Variants in MYOF observed in about 807,000 individuals in gnomAD.
The protein encoded by MYOF is fer-1-like 3, myoferlin.
A neutral mutation model predicts 284.2 loss-of-function variants in MYOF; 244 were observed. That is an observed-to-expected ratio of 0.86 (90% CI 0.77 to 0.95). The LOEUF is 0.95. MYOF is among the 40% of genes least tolerant of loss of function. The probability of loss-of-function intolerance (pLI) is 0.00; values close to 1 mark genes in which losing one functional copy is unlikely to be tolerated. For missense variants in MYOF, 2,496 were observed against 2,560.6 expected, an observed-to-expected ratio of 0.97 and a Z score of 0.54; for synonymous variants, 904 against 919.7, an observed-to-expected ratio of 0.98 and a Z score of 0.31.
At chr10:93,378,293 G>A (rs1202730457) in intron 21 of MYOF, among the ~76,000 whole-genome samples, 1 of 152,160 alleles carries the variant, frequency 6.6e-6, no homozygotes, top group Non-Finnish European at 1.5e-5. Context: ...GGAGAGAGCT[G>A]ATAAGAAGAA....
intron 6 of MYOF, among the ~76,000 whole-genome samples, chr10:93,409,204 T>A (rs150154557): frequency 1.7e-3 from 265 of 152,320 alleles, no homozygotes; most frequent in African/African-American, 6.1e-3. Context: ...ACTCCAGTCA[T>A]GCACCTGGTC....
intron 4 of MYOF, among the ~76,000 whole-genome samples, chr10:93,426,570 A>T (rs971947130): frequency 6.6e-6 from 1 of 152,146 alleles, no homozygotes; most frequent in Non-Finnish European, 1.5e-5. Context: ...AATTGCTGAG[A>T]TTTATTTTCA....
intron 51 of MYOF, among the ~76,000 whole-genome samples, chr10:93,311,588 CTAA>C (rs67653089): frequency 0.84 from 124,509 of 147,836 alleles, 52,402 homozygotes; most frequent in East Asian, 0.9. Flanking sequence ...GACTTCATCT[CTAA>C]AAAAAAAAAA....
intron 31 of MYOF, among the ~76,000 whole-genome samples, chr10:93,354,233 C>T (rs1467201981): frequency 6.6e-6 from 1 of 152,070 alleles, no homozygotes; most frequent in East Asian, 1.9e-4. Context: ...CAAAAATTAG[C>T]TGGGCATGGT....
chr10:93,310,007 G>T lies in MYOF; in HGVS notation c.6147+13C>A, dbSNP rs764013301. The T allele has an allele frequency of 1.2e-6, 2 of 1,613,994 alleles. No homozygotes were observed. Among genetic ancestry groups the T allele is most frequent in the Admixed American group, 3.3e-5 (2 of 60,010 alleles). On this transcript the variant is annotated intron_variant, in intron 53 of 53. Coordinates refer to ENST00000359263, the MANE Select transcript of MYOF (RefSeq NM_013451.4). Reference sequence around the variant, plus strand: ...AAGAAAGCCAAGACAAGGGGCCAAGGAAGGGCTCCTACCGGCAAAGAGTAG... The same window carrying T: ...AAGAAAGCCAAGACAAGGGGCCAAGTAAGGGCTCCTACCGGCAAAGAGTAG...
At chr10:93,444,756 A>G (rs1218492156) in intron 3 of MYOF, among the ~76,000 whole-genome samples, 1 of 152,250 alleles carries the variant, frequency 6.6e-6, no homozygotes, top group African/African-American at 2.4e-5. Context: ...CCACGTGTGC[A>G]TACACACAGA....
In MYOF at chr10:93,321,412, C is replaced by T. The variant is rs557160334; in HGVS notation, c.5457-1399G>A. On this transcript the variant is annotated intron_variant, in intron 48 of 53. Transcript: ENST00000359263. ...TGAAAGATTCCTTTTGACTATTAAC[C>T]TTTTTTTTTTTTTTTTTTTTTTTAC... Among the ~76,000 whole-genome samples the T allele has an allele frequency of 4.2e-4, 51 of 121,182 alleles. No homozygotes were observed. In the South Asian group the frequency reaches 9.7e-3, roughly 23 times the overall value. The allele number at this position is 121,182 out of a possible 152,430, so 79.5% of individuals were successfully genotyped here. A position where few individuals can be genotyped will look rare whatever the true frequency, so the allele number is the denominator to read the frequency against.
chr10:93,366,481 G>A lies in MYOF; in HGVS notation c.2664C>T (p.Val888=), dbSNP rs1421511598. Residue 888 remains valine (V), a synonymous_variant, in exon 26 of 54, where the codon GTC becomes GTT. Transcript: ENST00000359263. ...CCCTCTTGAGTTTTATTTTTCCTGT[G>A]ACATCAGAAAACTTATGACGTCCTA... is the stretch of plus-strand genomic sequence containing the variant. ...GLVGRHKFSD[V]TGKIKLKREF... 5 of 1,613,870 alleles carry A rather than the reference G, an allele frequency of 3.1e-6. No individual in the cohort carries two copies. The East Asian group carries it at 8.9e-5, about 29-fold the overall frequency.
At chr10:93,421,470 T>C (rs1848355334) in intron 5 of MYOF, among the ~76,000 whole-genome samples, 1 of 152,222 alleles carries the variant, frequency 6.6e-6, no homozygotes, top group Non-Finnish European at 1.5e-5. Flanking sequence ...TACCATGTGA[T>C]ATAATTTGGA....
rs115337638 is a variant in MYOF at position 93,343,906 on chromosome 10, G to A, written c.4276C>T (p.Arg1426Trp). The change falls in exon 38 of 54, where the codon CGG becomes TGG. Residue 1426 changes from arginine (R) to tryptophan (W), a missense_variant. Coordinates refer to ENST00000359263, the MANE Select transcript of MYOF (RefSeq NM_013451.4). The stretch of plus-strand genomic sequence containing the variant: ...TCTTCCATTTCGATAACGATGTCCC[G>A]GCATGGTGGGGCAGACAGAAGGGAG... ...KASLLSAPPC[R>W]DIVIEMEDTK... The A allele has an allele frequency of 2.5e-3, 3,986 of 1,614,120 alleles. 57 individuals carry two copies. In the African/African-American group the frequency reaches 0.038, roughly 16 times the overall value.
intron 24 of MYOF, 81 bp from the exon 25 acceptor site, chr10:93,369,857 G>T: frequency 6.5e-7 from 1 of 1,540,508 alleles, no homozygotes; most frequent in Non-Finnish European, 8.9e-7. Context: ...AAAACAGAGG[G>T]AACATCTAAT....
rs929760276 is a variant in MYOF, at chr10:93,451,946, T to C, written c.236+104A>G. 18 of 846,674 alleles carry C rather than the reference T, an allele frequency of 2.1e-5. No homozygotes were observed. The African/African-American group carries it at 2.6e-4, about 12-fold the overall frequency. The allele number at this position is 846,674 out of a possible 1,614,324, so 52.4% of individuals were successfully genotyped here. A position where few individuals can be genotyped will look rare whatever the true frequency, so the allele number is the denominator to read the frequency against. ...GGCATGGAATTAAAGCACATTTATA[T>C]TGGAAGTATTATAATACGTTATTAA... is the stretch of plus-strand genomic sequence containing the variant. On this transcript the variant is annotated intron_variant, in intron 3 of 53. Transcript: ENST00000359263.
At chr10:93,450,234 G>A (rs1485001718) in intron 3 of MYOF, among the ~76,000 whole-genome samples, 3 of 152,028 alleles carry the variant, frequency 2.0e-5, no homozygotes, top group Non-Finnish European at 4.4e-5. Context: ...TCTACTAAAA[G>A]TACAAAAATT....
intron 16 of MYOF, among the ~76,000 whole-genome samples, chr10:93,393,666 T>G (rs1251433641): frequency 6.6e-6 from 1 of 152,234 alleles, no homozygotes; most frequent in Non-Finnish European, 1.5e-5. Flanking sequence ...TCCCCCCATA[T>G]AGTTCCAGCA....
At chr10:93,463,949 G>T (rs999208180) in intron 1 of MYOF, among the ~76,000 whole-genome samples, 2 of 151,742 alleles carry the variant, frequency 1.3e-5, no homozygotes, top group African/African-American at 2.4e-5. Flanking sequence ...GGTCAGCTGC[G>T]CTGGTTCATT....
chr10:93,427,592 A>G (rs1848655000), intron 4 of MYOF, among the ~76,000 whole-genome samples: 1 of 151,990 alleles, frequency 6.6e-6, no homozygotes, highest in African/African-American at 2.4e-5. Context: ...TGATTCATAA[A>G]ATAGGATAAA....
chr10:93,386,812 G>C (rs116322509), intron 19 of MYOF, among the ~76,000 whole-genome samples: 4 of 152,176 alleles, frequency 2.6e-5, no homozygotes, highest in African/African-American at 9.7e-5. Flanking sequence ...TCCTGCAAAG[G>C]GGGCAGATGT....
At chr10:93,458,129 G>C (rs1564735010) in intron 1 of MYOF, among the ~76,000 whole-genome samples, 1 of 152,026 alleles carries the variant, frequency 6.6e-6, no homozygotes, top group Non-Finnish European at 1.5e-5. Context: ...AAGGTGGGAG[G>C]ATTGTTTGAG....
chr10:93,474,288 A>C (rs947601), intron 1 of MYOF, among the ~76,000 whole-genome samples: 145,061 of 152,240 alleles, frequency 0.95, 69,512 homozygotes, highest in East Asian at 1. Context: ...CGGCTCCCCA[A>C]TGGTTGATGA....
Sources: gnomAD v4.1 joint callset for allele counts (sites outside exome capture counted in the v4.1 genomes callset) on GRCh38, gnomAD v4.1.1 for gene constraint, MANE v1.5 for transcripts, NCBI Gene and HGNC (gene_info 2026-07-23, HGNC 2026-07-21) for gene names.